Variants in NALF1 observed in about 807,000 individuals in gnomAD.
The protein encoded by NALF1 is family with sequence similarity 155 member A.
A neutral mutation model predicts 48.4 loss-of-function variants in NALF1; 3 were observed. That is an observed-to-expected ratio of 0.06 (90% CI 0.03 to 0.16). The LOEUF (loss-of-function observed/expected upper bound fraction) is 0.16. NALF1 is among the 10% of genes least tolerant of loss of function. NALF1 has a pLI of 1.00. For missense variants in NALF1, 526 were observed against 571.5 expected, an observed-to-expected ratio of 0.92 and a Z score of 0.81; for synonymous variants, 262 against 245.7, an observed-to-expected ratio of 1.07 and a Z score of -0.62.
chr13:107,861,945 A>C (rs1044280569), intron 1 of NALF1, among the ~76,000 whole-genome samples: 3 of 152,238 alleles, frequency 2.0e-5, no homozygotes, highest in Admixed American at 2.0e-4. Context: ...TACATGCCTA[A>C]TACTTGCAAG....
chr13:107,527,181 G>A (rs1331586180), intron 1 of NALF1, among the ~76,000 whole-genome samples: 1 of 152,124 alleles, frequency 6.6e-6, no homozygotes, highest in East Asian at 1.9e-4. Context: ...TTTACTTGGG[G>A]AATTACAGCT....
At chr13:107,698,606 C>T (rs747916654) in intron 1 of NALF1, among the ~76,000 whole-genome samples, 2 of 152,038 alleles carry the variant, frequency 1.3e-5, no homozygotes, top group African/African-American at 2.4e-5. Context: ...TGTTTCATGA[C>T]TAAAATGTTC....
chr13:107,768,136 G>A (rs1877469214), intron 1 of NALF1, among the ~76,000 whole-genome samples: 1 of 152,098 alleles, frequency 6.6e-6, no homozygotes, highest in Non-Finnish European at 1.5e-5. Context: ...AATTAAAAAT[G>A]GAATCCATGA....
rs4772856 is a variant in NALF1 at position 107,165,111 on chromosome 13, A to G, written c.*5386T>C. 35,507 of 152,082 alleles carry G rather than the reference A, an allele frequency of 0.23. 4,811 individuals are homozygous for G. The highest frequency in any genetic ancestry group is 0.39 in the East Asian group (2,005 of 5,162). 9.4% of individuals were successfully genotyped at this position (152,082 alleles called of 1,614,324 possible). A position where few individuals can be genotyped will look rare whatever the true frequency, so the allele number is the denominator to read the frequency against. On this transcript the variant is annotated 3_prime_UTR_variant, in exon 3 of 3. Transcript: ENST00000375915. Reference sequence around the variant, plus strand: ...CCCTAAGATCCTGTGCCTTTTCTCCACATTAAAAATAAAAATTAAAAATCT... The same window carrying G: ...CCCTAAGATCCTGTGCCTTTTCTCCGCATTAAAAATAAAAATTAAAAATCT...
chr13:107,283,849 G>A (rs992458885), intron 1 of NALF1, among the ~76,000 whole-genome samples: 3 of 151,588 alleles, frequency 2.0e-5, no homozygotes, highest in South Asian at 4.2e-4. Flanking sequence ...TAGTAGAGAC[G>A]GGGGTTTCAC....
intron 1 of NALF1, among the ~76,000 whole-genome samples, chr13:107,853,229 T>C (rs1880363414): frequency 1.3e-5 from 2 of 152,230 alleles, no homozygotes; most frequent in South Asian, 4.1e-4. Flanking sequence ...TTAATCTGAC[T>C]AAAGTTGATA....
intron 1 of NALF1, among the ~76,000 whole-genome samples, chr13:107,666,816 C>A (rs1880871105): frequency 6.6e-6 from 1 of 152,014 alleles, no homozygotes; most frequent in Admixed American, 6.6e-5. Flanking sequence ...CGTTTTGATC[C>A]AAGATTCGCC....
At chr13:107,618,977 T>C (rs1007297789) in intron 1 of NALF1, among the ~76,000 whole-genome samples, 2 of 152,206 alleles carry the variant, frequency 1.3e-5, no homozygotes, top group Non-Finnish European at 2.9e-5. Context: ...CACTATCCAA[T>C]ATCAGGAACA....
intron 2 of NALF1, among the ~76,000 whole-genome samples, chr13:107,189,504 A>G (rs1879239866): frequency 6.6e-6 from 1 of 152,148 alleles, no homozygotes; most frequent in South Asian, 2.1e-4. Flanking sequence ...GGAAAGTCAC[A>G]TGGATTCCCG....
At chr13:107,341,151 ACT>A (rs1204480878) in intron 1 of NALF1, among the ~76,000 whole-genome samples, 1 of 151,788 alleles carries the variant, frequency 6.6e-6, no homozygotes. Flanking sequence ...GAAGCCCTAG[ACT>A]CTATCAATTG....
chr13:107,703,269 T>C (rs984491382), intron 1 of NALF1, among the ~76,000 whole-genome samples: 2 of 152,154 alleles, frequency 1.3e-5, no homozygotes, highest in Admixed American at 6.5e-5. Context: ...ATTTAAATAC[T>C]TTTTCCTGCT....
At chr13:107,388,690 T>C (rs560103278) in intron 1 of NALF1, among the ~76,000 whole-genome samples, 1 of 152,270 alleles carries the variant, frequency 6.6e-6, no homozygotes, top group East Asian at 1.9e-4. Context: ...CAAGAAAAAG[T>C]AAAATGTATT....
intron 1 of NALF1, among the ~76,000 whole-genome samples, chr13:107,736,887 C>T (rs1391535132): frequency 6.6e-6 from 1 of 152,220 alleles, no homozygotes; most frequent in African/African-American, 2.4e-5. Context: ...TGCAGCTCCA[C>T]CATATTAACA....
chr13:107,332,201 T>A (rs773352165), intron 1 of NALF1, among the ~76,000 whole-genome samples: 2 of 152,194 alleles, frequency 1.3e-5, no homozygotes, highest in Non-Finnish European at 2.9e-5. Context: ...AAACATTCAT[T>A]TATGAGTCCC....
At chr13:107,465,474 A>T (rs1319638376) in intron 1 of NALF1, among the ~76,000 whole-genome samples, 1 of 152,110 alleles carries the variant, frequency 6.6e-6, no homozygotes, top group Non-Finnish European at 1.5e-5. Context: ...GTGCTCTGGG[A>T]AAACCTCTAT....
At chr13:107,613,420 C>T (rs1594161578) in intron 1 of NALF1, among the ~76,000 whole-genome samples, 1 of 152,164 alleles carries the variant, frequency 6.6e-6, no homozygotes, top group African/African-American at 2.4e-5. Flanking sequence ...GAGGGTGCTG[C>T]AGACTGTGGT....
chr13:107,284,151 T>A (rs909667044), intron 1 of NALF1, among the ~76,000 whole-genome samples: 1 of 151,988 alleles, frequency 6.6e-6, no homozygotes, highest in Non-Finnish European at 1.5e-5. Flanking sequence ...CTTTGGAAAA[T>A]CAGGCGTTTG....
intron 1 of NALF1, among the ~76,000 whole-genome samples, chr13:107,681,434 T>C (rs1301509200): frequency 6.6e-6 from 1 of 152,100 alleles, no homozygotes; most frequent in Non-Finnish European, 1.5e-5. Context: ...TGTCGCTCCC[T>C]AATTGCCCTG....
At chr13:107,458,100 TTC>T (rs1275958399) in intron 1 of NALF1, among the ~76,000 whole-genome samples, 1 of 152,204 alleles carries the variant, frequency 6.6e-6, no homozygotes, top group African/African-American at 2.4e-5. Context: ...TATTCATTTG[TTC>T]TCTCTTTCAA....
Sources: allele counts gnomAD v4.1 joint callset (sites outside exome capture counted in the v4.1 genomes callset), GRCh38; gene constraint gnomAD v4.1.1; transcripts MANE v1.5; gene names NCBI Gene and HGNC (gene_info 2026-07-23, HGNC 2026-07-21).